PCCA: variants seen among roughly 807,000 people sequenced by gnomAD.
PCCA encodes propionyl-CoA carboxylase subunit alpha.
Under a neutral mutation model 101.3 loss-of-function variants are expected in PCCA, and 74 were observed. That is an observed-to-expected ratio of 0.73 (90% confidence interval 0.61 to 0.89). The LOEUF (loss-of-function observed/expected upper bound fraction) is 0.89, where lower values mean the gene tolerates loss of function less well. Among genes scored for constraint, PCCA ranks in the 40% least tolerant of loss-of-function variants. The pLI is 0.00. For missense variants in PCCA, 891 were observed against 907.0 expected, an observed-to-expected ratio of 0.98 and a Z score of 0.23; for synonymous variants, 294 against 313.6, an observed-to-expected ratio of 0.94 and a Z score of 0.66.
intron 11 of PCCA, among the ~76,000 whole-genome samples, chr13:100,271,751 A>T (rs1476192160): frequency 6.6e-6 from 1 of 152,224 alleles, no homozygotes; most frequent in Non-Finnish European, 1.5e-5. Flanking sequence ...GTTGTGTTAC[A>T]AAAGGGTACT....
At position 100,422,118 on chromosome 13, in the gene PCCA, C is replaced by G. The variant is rs1043633019; in HGVS notation, c.1747-3515C>G. Reference sequence around the variant, plus strand: ...TCTTTCTTTCTTTCTTTCTTTCTTTCTTTTCTTTCTTTCTTTCTTTTTTTT... The same window carrying G: ...TCTTTCTTTCTTTCTTTCTTTCTTTGTTTTCTTTCTTTCTTTCTTTTTTTT... On this transcript the variant is annotated intron_variant, in intron 19 of 23. Coordinates refer to ENST00000376285, the MANE Select transcript of PCCA (RefSeq NM_000282.4). 3.3e-4 allele frequency among the ~76,000 whole-genome samples: 17 copies of G among 51,184 alleles called. No homozygotes were observed. The East Asian group carries it at 9.5e-3, about 29-fold the overall frequency. 33.6% of individuals were successfully genotyped at this position (51,184 alleles called of 152,430 possible).
chr13:100,282,122 T>C (rs996273596), intron 12 of PCCA, among the ~76,000 whole-genome samples: 1 of 152,242 alleles, frequency 6.6e-6, no homozygotes, highest in Admixed American at 6.5e-5. Context: ...CTTTGCCCTT[T>C]GGGTTTTCTT....
At chr13:100,246,073 ACTAT>A (rs1267264337) in intron 8 of PCCA, among the ~76,000 whole-genome samples, 2 of 152,176 alleles carry the variant, frequency 1.3e-5, no homozygotes, top group African/African-American at 4.8e-5. Context: ...ACCTGTATCA[ACTAT>A]CTAGGGGGTG....
At chr13:100,483,622 CT>C (rs1188981668) in intron 21 of PCCA, among the ~76,000 whole-genome samples, 1 of 152,154 alleles carries the variant, frequency 6.6e-6, no homozygotes, top group East Asian at 1.9e-4. Flanking sequence ...ATCTGGGGTA[CT>C]TTATTGAGAA....
chr13:100,302,569 A>G (rs1156888321), intron 13 of PCCA, among the ~76,000 whole-genome samples: 1 of 152,110 alleles, frequency 6.6e-6, no homozygotes, highest in East Asian at 1.9e-4. Context: ...AAAAACAAAT[A>G]TCTTTAGTAT....
At position 100,402,096 on chromosome 13, in the gene PCCA, A is replaced by G. The variant is rs201030344; in HGVS notation, c.1747-23537A>G. Among the ~76,000 whole-genome samples, 10 of 152,306 alleles carry G rather than the reference A, an allele frequency of 6.6e-5. No individual in the cohort carries two copies. The East Asian group carries it at 1.7e-3, about 26-fold the overall frequency. On this transcript the variant is annotated intron_variant, in intron 19 of 23. Transcript: ENST00000376285. ...AAAAGTGCATAATAGAGTCCTTTATATAGCTGGAATAACTGTAATCTGCTA... is the reference window on the plus strand; with the variant it reads ...AAAAGTGCATAATAGAGTCCTTTATGTAGCTGGAATAACTGTAATCTGCTA...
At chr13:100,162,080 A>ATGTGTGTG (rs3034650) in intron 6 of PCCA, among the ~76,000 whole-genome samples, 236 of 146,926 alleles carry the variant, frequency 1.6e-3, no homozygotes, top group African/African-American at 5.3e-3. Context: ...GTGTGTCTGT[A>ATGTGTGTG]TGTGTGTGTG....
At chr13:100,213,489 G>A (rs2059344512) in intron 7 of PCCA, among the ~76,000 whole-genome samples, 1 of 152,138 alleles carries the variant, frequency 6.6e-6, no homozygotes, top group Non-Finnish European at 1.5e-5. Flanking sequence ...CAGTGATGTT[G>A]AGCACCTTTT....
At chr13:100,104,045 A>G (rs2047528477) in intron 2 of PCCA, among the ~76,000 whole-genome samples, 2 of 152,222 alleles carry the variant, frequency 1.3e-5, no homozygotes, top group South Asian at 4.1e-4. Context: ...AGGGACTAGA[A>G]GAAGTGATTG....
intron 18 of PCCA, among the ~76,000 whole-genome samples, chr13:100,351,937 A>T (rs1346546123): frequency 6.6e-6 from 1 of 152,204 alleles, no homozygotes; most frequent in Non-Finnish European, 1.5e-5. Flanking sequence ...TAGAGCAGAG[A>T]CTAGCAAACC....
intron 11 of PCCA, 54 bp from the exon 12 acceptor site, chr13:100,273,142 A>C (rs989839959): frequency 7.1e-7 from 1 of 1,406,118 alleles, no homozygotes; most frequent in African/African-American, 1.4e-5. Flanking sequence ...ATGCACACAA[A>C]AGATAACTTG....
At chr13:100,508,248 TG>T (rs2086228975) in intron 21 of PCCA, among the ~76,000 whole-genome samples, 1 of 152,214 alleles carries the variant, frequency 6.6e-6, no homozygotes, top group Admixed American at 6.5e-5. Context: ...TTTTGCAGGA[TG>T]TTTGAAAAAT....
chr13:100,439,689 T>A (rs2080200748), intron 20 of PCCA, among the ~76,000 whole-genome samples: 1 of 152,046 alleles, frequency 6.6e-6, no homozygotes, highest in African/African-American at 2.4e-5. Flanking sequence ...TCGTGCATAG[T>A]CACGTTGTTT....
intron 21 of PCCA, among the ~76,000 whole-genome samples, chr13:100,465,059 T>C (rs1201893953): frequency 1.3e-5 from 2 of 152,326 alleles, no homozygotes; most frequent in East Asian, 1.9e-4. Flanking sequence ...GAATGGCAGC[T>C]CTTCTCTTAT....
intron 17 of PCCA, among the ~76,000 whole-genome samples, chr13:100,339,235 A>C (rs9585404): frequency 0.23 from 34,997 of 152,042 alleles, 4,204 homozygotes; most frequent in Non-Finnish European, 0.27. Flanking sequence ...AAGCCTGTAC[A>C]TGTTCAGTAC....
At chr13:100,164,642 C>T (rs2054849302) in intron 6 of PCCA, among the ~76,000 whole-genome samples, 2 of 152,062 alleles carry the variant, frequency 1.3e-5, no homozygotes, top group African/African-American at 4.8e-5. Context: ...TTATTTTGGT[C>T]CATTTAAAAA....
chr13:100,220,088 G>C (rs2059728876), intron 7 of PCCA, among the ~76,000 whole-genome samples: 1 of 152,156 alleles, frequency 6.6e-6, no homozygotes, highest in African/African-American at 2.4e-5. Context: ...ACAACTACTT[G>C]AGGGCTTACT....
intron 7 of PCCA, among the ~76,000 whole-genome samples, chr13:100,211,433 A>G (rs1048375794): frequency 3.9e-5 from 6 of 152,186 alleles, no homozygotes; most frequent in Non-Finnish European, 7.3e-5. Flanking sequence ...TGTTAAATCA[A>G]TATGTAATTT....
intron 19 of PCCA, among the ~76,000 whole-genome samples, chr13:100,372,691 C>A (rs566514343): frequency 2.4e-4 from 37 of 152,208 alleles, no homozygotes; most frequent in African/African-American, 8.4e-4. Flanking sequence ...GAGAAGGCAA[C>A]CCACAGAACG....
Sources: allele counts gnomAD v4.1 joint callset (sites outside exome capture counted in the v4.1 genomes callset), GRCh38; gene constraint gnomAD v4.1.1; transcripts MANE v1.5; gene names NCBI Gene and HGNC (gene_info 2026-07-23, HGNC 2026-07-21).